Variants in SDHA observed in about 807,000 individuals in gnomAD.
SDHA encodes the protein succinate dehydrogenase [ubiquinone] flavoprotein subunit, mitochondrial.
SDHA carries 48 observed loss-of-function variants against 78.4 expected under a neutral mutation model. The observed-to-expected ratio is 0.61, with a 90% CI of 0.49 to 0.78. The LOEUF (loss-of-function observed/expected upper bound fraction) is 0.78, where lower values mean the gene tolerates loss of function less well. Among genes scored for constraint, SDHA ranks in the 30% least tolerant of loss-of-function variants. SDHA has a pLI of 0.00. For missense variants in SDHA, 680 were observed against 892.7 expected (o/e 0.76, Z 3.04); for synonymous variants, 326 against 353.9 (o/e 0.92, Z 0.88).
intron 14 of SDHA, among the ~76,000 whole-genome samples, chr5:255,215 TAATG>T (rs1340800427): frequency 1.4e-5 from 2 of 145,252 alleles, no homozygotes; most frequent in African/African-American, 5.5e-5. Flanking sequence ...GATTCAGAAA[TAATG>T]AAGATAGAAA....
At chr5:230,824 G>T (rs960523152) in intron 6 of SDHA, 52 bp from the exon 7 acceptor site, 13 of 1,609,726 alleles carry the variant, frequency 8.1e-6, no homozygotes, top group Middle Eastern at 1.6e-4. Flanking sequence ...CACCAGATAG[G>T]AGGTCCAGAT....
downstream of SDHA, among the ~76,000 whole-genome samples, chr5:259,323 C>T (rs1407731743): frequency 1.9e-5 from 1 of 52,158 alleles, no homozygotes; most frequent in Admixed American, 1.7e-4. Context: ...AGAGCATTAC[C>T]GTGTGAGCTC....
the SDHA span, among the ~76,000 whole-genome samples, chr5:265,197 ACTC>A: frequency 6.6e-6 from 1 of 152,028 alleles, no homozygotes; most frequent in Admixed American, 6.5e-5. Flanking sequence ...CAGGAACAAA[ACTC>A]CATCTCAAAA....
chr5:232,733 TAA>T (rs1456640313), intron 7 of SDHA, among the ~76,000 whole-genome samples: 7 of 152,340 alleles, frequency 4.6e-5, no homozygotes, highest in Admixed American at 1.3e-4. Context: ...TGTATACTAA[TAA>T]AAATTGTAGC....
chr5:225,568 G>T lies in SDHA; in HGVS notation c.456+6G>T, dbSNP rs371735891. 4.1e-4 allele frequency: 662 copies of T among 1,613,790 alleles called. 1 individual carries two copies. The highest frequency in any genetic ancestry group is 5.1e-4 in the Non-Finnish European group (598 of 1,179,828). Reference sequence around the variant, plus strand: ...CCCCCGCCGCCGTGGTCGAGGTGATGGGCGGGAGGCTCTGGGTGTTCTCGT... The same window carrying T: ...CCCCCGCCGCCGTGGTCGAGGTGATTGGCGGGAGGCTCTGGGTGTTCTCGT... On this transcript the variant is annotated splice_donor_region_variant and intron_variant, in intron 4 of 14. Coordinates refer to ENST00000264932, the MANE Select transcript of SDHA (RefSeq NM_004168.4).
chr5:266,643 A>G, the SDHA span, among the ~76,000 whole-genome samples: 1 of 152,264 alleles, frequency 6.6e-6, no homozygotes, highest in Non-Finnish European at 1.5e-5. Context: ...AATTGGGTCA[A>G]TATAAAAAGA....
At chr5:266,881 C>CT in the SDHA span, among the ~76,000 whole-genome samples, 3 of 100,438 alleles carry the variant, frequency 3.0e-5, no homozygotes, top group East Asian at 2.1e-4. Context: ...GCCGCTGTGT[C>CT]TAAAATATTC....
chr5:267,968 T>C, the SDHA span, among the ~76,000 whole-genome samples: 1 of 152,132 alleles, frequency 6.6e-6, no homozygotes, highest in Non-Finnish European at 1.5e-5. Context: ...TACCCCCACC[T>C]CTGAGAATGT....
the SDHA span, among the ~76,000 whole-genome samples, chr5:264,231 T>C: frequency 6.6e-6 from 1 of 152,226 alleles, no homozygotes; most frequent in Non-Finnish European, 1.5e-5. Flanking sequence ...GTGTTTTACA[T>C]ATTACCAAAC....
chr5:243,521 A>G (rs997723008), intron 11 of SDHA, among the ~76,000 whole-genome samples: 2 of 152,196 alleles, frequency 1.3e-5, no homozygotes, highest in African/African-American at 4.8e-5. Flanking sequence ...GTGCAGGATG[A>G]TGCCGTAGAA....
chr5:218,713 AC>A (rs150430097), intron 1 of SDHA, among the ~76,000 whole-genome samples: 4,570 of 152,064 alleles, frequency 0.03, 122 homozygotes, highest in Non-Finnish European at 0.044. Context: ...GGGTCCTGGG[AC>A]CCCGCGGGCT....
At chr5:244,890 T>G (rs186627657) in intron 11 of SDHA, among the ~76,000 whole-genome samples, 11 of 152,276 alleles carry the variant, frequency 7.2e-5, no homozygotes, top group Non-Finnish European at 1.3e-4. Flanking sequence ...AACATATGCA[T>G]GAAATGGGGT....
intron 1 of SDHA, among the ~76,000 whole-genome samples, chr5:220,889 T>C (rs1022331859): frequency 1.3e-5 from 2 of 150,842 alleles, no homozygotes; most frequent in African/African-American, 4.9e-5. Context: ...CTCGGCTCAC[T>C]GCAAGCTCTG....
chr5:268,305 C>T, the SDHA span, among the ~76,000 whole-genome samples: 930 of 152,118 alleles, frequency 6.1e-3, 12 homozygotes, highest in African/African-American at 0.022. Context: ...GCCTCAGCCT[C>T]CCAAGTAGCT....
chr5:247,860 A>T (rs1736560065), intron 11 of SDHA, among the ~76,000 whole-genome samples: 1 of 152,232 alleles, frequency 6.6e-6, no homozygotes, highest in Admixed American at 6.5e-5. Flanking sequence ...TATTAAACAC[A>T]TTACTGGTAT....
intron 7 of SDHA, among the ~76,000 whole-genome samples, chr5:232,483 G>C (rs1735472070): frequency 6.6e-6 from 1 of 152,074 alleles, no homozygotes; most frequent in Admixed American, 6.5e-5. Context: ...GGCCCCTCAG[G>C]GTCCTGGGAT....
At chr5:224,656 C>T (rs542233089) in intron 3 of SDHA, 135 bp downstream of exon 3, 2 of 912,510 alleles carry the variant, frequency 2.2e-6, no homozygotes, top group Non-Finnish European at 3.5e-6. Flanking sequence ...ACTCAGCTCA[C>T]CCTCTCAGGG....
downstream of SDHA, among the ~76,000 whole-genome samples, chr5:259,025 A>G (rs6881978): frequency 4.6e-5 from 2 of 43,198 alleles, no homozygotes; most frequent in African/African-American, 2.8e-4. Context: ...GCCTCCCGCC[A>G]GAGCATTACC....
chr5:244,515 GAT>G (rs1387227703), intron 11 of SDHA, among the ~76,000 whole-genome samples: 2 of 151,650 alleles, frequency 1.3e-5, no homozygotes, highest in Non-Finnish European at 2.9e-5. Flanking sequence ...TGGAAGCACA[GAT>G]AAACAAGGCA....
Sources: allele counts gnomAD v4.1 joint callset (sites outside exome capture counted in the v4.1 genomes callset), GRCh38; gene constraint gnomAD v4.1.1; transcripts MANE v1.5; gene names NCBI Gene and HGNC (gene_info 2026-07-23, HGNC 2026-07-21).